Variants in SLC4A8 observed in about 807,000 individuals in gnomAD.
SLC4A8 encodes the protein electroneutral sodium bicarbonate exchanger 1.
In SLC4A8, 40 loss-of-function variants were observed where a neutral mutation model predicts 125.0. That is an observed-to-expected ratio of 0.32 (90% CI 0.25 to 0.42). The LOEUF (loss-of-function observed/expected upper bound fraction) is 0.42. Among genes scored for constraint, SLC4A8 ranks in the 10% least tolerant of loss-of-function variants. The pLI is 1.00. For synonymous variants in SLC4A8, 456 were observed against 476.0 expected, an observed-to-expected ratio of 0.96 and a Z score of 0.55; for missense variants, 863 against 1,355.1, an observed-to-expected ratio of 0.64 and a Z score of 5.70.
chr12:51,471,670 C>CA, intron 14 of SLC4A8, 138 bp downstream of exon 14: 6 of 950,978 alleles, frequency 6.3e-6, no homozygotes, highest in Non-Finnish European at 9.5e-6. Context: ...CAGATACAGA[C>CA]AAGGAGTATT....
In SLC4A8 at chr12:51,514,939, C is replaced by T. The variant is rs1938481763; in HGVS notation, c.*7501C>T. 6.6e-6 allele frequency: 1 copy of T among 152,134 alleles called. No homozygotes were observed. The highest frequency in any genetic ancestry group is 2.4e-5 in the African/African-American group (1 of 41,424). 9.4% of individuals were successfully genotyped at this position (152,134 alleles called of 1,614,324 possible). A position where few individuals can be genotyped will look rare whatever the true frequency, so the allele number is the denominator to read the frequency against. On this transcript the variant is annotated 3_prime_UTR_variant, in exon 25 of 25. Transcript: ENST00000453097. ...CATAATTCTTTTAGGAGATTCTGTGCTCAAAGGGAAGGGAATGGTTTCTGA... is the reference window on the plus strand; with the variant it reads ...CATAATTCTTTTAGGAGATTCTGTGTTCAAAGGGAAGGGAATGGTTTCTGA...
chr12:51,433,878 TGGTTG>T (rs1565772458), intron 1 of SLC4A8, among the ~76,000 whole-genome samples: 4 of 38,822 alleles, frequency 1.0e-4, no homozygotes, highest in African/African-American at 2.0e-4. Context: ...TTTTTTTTTT[TGGTTG>T]GTTTTTTTTT....
At chr12:51,497,319 C>A in intron 22 of SLC4A8, 195 bp downstream of exon 22, 1 of 582,344 alleles carries the variant, frequency 1.7e-6, no homozygotes, top group Non-Finnish European at 2.9e-6. Context: ...TTGGGTTTGA[C>A]AACCACTTAT....
chr12:51,493,703 G>C lies in SLC4A8; in HGVS notation c.2701-1G>C. 1 of 1,602,948 alleles carries C rather than the reference G, an allele frequency of 6.2e-7. No individual in the cohort carries two copies. Among genetic ancestry groups the C allele is most frequent in the Non-Finnish European group, 8.5e-7 (1 of 1,169,888 alleles). ...GGCCTTTCTTGTCCTTTTGTCTTCAGTTTATTCCAATGCCAGTACTCTACG... is the reference window on the plus strand; with the variant it reads ...GGCCTTTCTTGTCCTTTTGTCTTCACTTTATTCCAATGCCAGTACTCTACG... On this transcript the variant is annotated splice_acceptor_variant, in intron 19 of 24. Coordinates refer to ENST00000453097, the MANE Select transcript of SLC4A8 (RefSeq NM_001039960.3). LOFTEE classifies it high-confidence loss of function.
At chr12:51,416,678 C>T (rs977608958) in intron 1 of SLC4A8, among the ~76,000 whole-genome samples, 18 of 152,074 alleles carry the variant, frequency 1.2e-4, no homozygotes, top group African/African-American at 4.3e-4. Context: ...CAATGAACAT[C>T]TGTAAAGCTT....
Position 51,507,443 on chromosome 12 carries a change from CTT to C in SLC4A8, c.*7_*8del, listed in dbSNP as rs1164157329. The C allele has an allele frequency of 1.4e-6, 2 of 1,392,138 alleles. No homozygotes were observed. Among genetic ancestry groups the C allele is most frequent in the East Asian group, 5.3e-5 (2 of 37,826 alleles). 86.2% of individuals were successfully genotyped at this position (1,392,138 alleles called of 1,614,324 possible). A position where few individuals can be genotyped will look rare whatever the true frequency, so the allele number is the denominator to read the frequency against. On this transcript the variant is annotated 3_prime_UTR_variant, in exon 25 of 25. Coordinates refer to ENST00000453097, the MANE Select transcript of SLC4A8 (RefSeq NM_001039960.3). ...TTATTCAGTCTCTTCAACTAAGAGT[CTT>C]TGCTGGGATGGAAGATTTGGGCCGT...
intron 16 of SLC4A8, among the ~76,000 whole-genome samples, chr12:51,483,552 A>T (rs4761972): frequency 6.6e-6 from 1 of 150,860 alleles, no homozygotes; most frequent in African/African-American, 2.4e-5. Context: ...TTTATTCAGC[A>T]TACTTCCTGT....
intron 1 of SLC4A8, among the ~76,000 whole-genome samples, chr12:51,397,475 GAGAC>G (rs1948286405): frequency 6.6e-6 from 1 of 152,160 alleles, no homozygotes; most frequent in African/African-American, 2.4e-5. Context: ...AGGAGAATAA[GAGAC>G]AGGGAGAAGG....
At chr12:51,488,589 A>C (rs534296299) in intron 17 of SLC4A8, 110 bp from the exon 18 acceptor site, 2 of 748,092 alleles carry the variant, frequency 2.7e-6, no homozygotes, top group Admixed American at 5.2e-5. Flanking sequence ...TTTTTTTTTA[A>C]GAACCTCACT....
chr12:51,499,621 T>G (rs1051802865), intron 22 of SLC4A8, among the ~76,000 whole-genome samples: 4 of 78,322 alleles, frequency 5.1e-5, no homozygotes. Context: ...AGTGCTATAA[T>G]TCTACACACA....
intron 15 of SLC4A8, 173 bp downstream of exon 15, chr12:51,474,620 T>C: frequency 1.7e-6 from 2 of 1,207,870 alleles, no homozygotes; most frequent in Non-Finnish European, 2.2e-6. Context: ...TTTTCTTGTA[T>C]GTTAAGGGAG....
chr12:51,473,126 T>C (rs1286915069), intron 14 of SLC4A8, among the ~76,000 whole-genome samples: 2 of 149,534 alleles, frequency 1.3e-5, no homozygotes, highest in East Asian at 3.8e-4. Flanking sequence ...TTTTGATAAA[T>C]GTATAATGAC....
intron 5 of SLC4A8, among the ~76,000 whole-genome samples, chr12:51,454,961 G>A (rs371323491): frequency 3.2e-5 from 2 of 61,630 alleles, no homozygotes; most frequent in Non-Finnish European, 6.3e-5. Flanking sequence ...GCGGCCTTCC[G>A]CAGTTTTTGT....
At chr12:51,407,426 TA>T (rs200195781) in intron 1 of SLC4A8, among the ~76,000 whole-genome samples, 6 of 150,030 alleles carry the variant, frequency 4.0e-5, no homozygotes, top group Non-Finnish European at 5.9e-5. Context: ...TGGCTAATTA[TA>T]AAAAAAATTT....
chr12:51,512,061 T>C lies in SLC4A8; in HGVS notation c.*4623T>C, dbSNP rs2138478427. ...TCCGGGATTGTTGGAATTTTGCATG[T>C]GTCTGTTCCATATCCCGCTGGTAAC... On this transcript the variant is annotated 3_prime_UTR_variant, in exon 25 of 25. Coordinates refer to ENST00000453097, the MANE Select transcript of SLC4A8 (RefSeq NM_001039960.3). The C allele has an allele frequency of 6.6e-6, 1 of 152,386 alleles. No individual in the cohort carries two copies. The highest frequency in any genetic ancestry group is 1.9e-4 in the East Asian group (1 of 5,186). 9.4% of individuals were successfully genotyped at this position (152,386 alleles called of 1,614,324 possible). A position where few individuals can be genotyped will look rare whatever the true frequency, so the allele number is the denominator to read the frequency against.
At chr12:51,459,279 T>G (rs1256743175) in intron 7 of SLC4A8, among the ~76,000 whole-genome samples, 1 of 152,188 alleles carries the variant, frequency 6.6e-6, no homozygotes. Flanking sequence ...ATTTGAGTGT[T>G]TAAAAAGGGA....
At chr12:51,399,274 T>C (rs1490854563) in intron 1 of SLC4A8, among the ~76,000 whole-genome samples, 1 of 152,228 alleles carries the variant, frequency 6.6e-6, no homozygotes, top group African/African-American at 2.4e-5. Context: ...AGGTGATATG[T>C]GCATATGGCA....
intron 2 of SLC4A8, 88 bp downstream of exon 2, chr12:51,440,877 C>T (rs1949573325): frequency 5.2e-6 from 6 of 1,156,734 alleles, no homozygotes; most frequent in Non-Finnish European, 4.8e-6. Context: ...AACTCTCTCA[C>T]TAGCTGTCAG....
intron 17 of SLC4A8, among the ~76,000 whole-genome samples, chr12:51,487,901 G>A (rs1292132071): frequency 1.3e-5 from 2 of 152,222 alleles, no homozygotes; most frequent in East Asian, 1.9e-4. Flanking sequence ...CACACATTAT[G>A]TGGCTCTGGA....
Sources: gnomAD v4.1 joint callset for allele counts (sites outside exome capture counted in the v4.1 genomes callset) on GRCh38, gnomAD v4.1.1 for gene constraint, MANE v1.5 for transcripts, NCBI Gene and HGNC (gene_info 2026-07-23, HGNC 2026-07-21) for gene names.